Variants in CYP7B1 observed in about 807,000 individuals in gnomAD.
CYP7B1 encodes cytochrome P450 7B1.
In CYP7B1, 29 loss-of-function variants were observed where a neutral mutation model predicts 42.7. The observed-to-expected ratio is 0.68, with a 90% CI of 0.51 to 0.93. The LOEUF (loss-of-function observed/expected upper bound fraction) is 0.93. Ranked by LOEUF, CYP7B1 falls within the 40% of genes least tolerant of loss-of-function variation. CYP7B1 has a pLI of 0.00. For synonymous variants in CYP7B1, 235 were observed against 218.2 expected, an observed-to-expected ratio of 1.08 and a Z score of -0.68; for missense variants, 655 against 600.5, an observed-to-expected ratio of 1.09 and a Z score of -0.95.
intron 1 of CYP7B1, among the ~76,000 whole-genome samples, chr8:64,747,256 A>T (rs1252830436): frequency 2.0e-5 from 3 of 148,160 alleles, no homozygotes; most frequent in Non-Finnish European, 4.5e-5. Context: ...TATTAAACGT[A>T]GTATAAGTCA....
chr8:64,680,554 T>A (rs528833117), intron 1 of CYP7B1, among the ~76,000 whole-genome samples: 1 of 143,804 alleles, frequency 7.0e-6, no homozygotes, highest in Non-Finnish European at 1.5e-5. Context: ...TGTCTACAAC[T>A]TCTAAGAATT....
At chr8:64,698,327 G>C (rs1358281433) in intron 1 of CYP7B1, among the ~76,000 whole-genome samples, 1 of 151,818 alleles carries the variant, frequency 6.6e-6, no homozygotes, top group Non-Finnish European at 1.5e-5. Context: ...TTTAGCTCCA[G>C]CAGCAGGGGG....
intron 1 of CYP7B1, among the ~76,000 whole-genome samples, chr8:64,708,884 T>C (rs577402680): frequency 6.6e-6 from 1 of 152,332 alleles, no homozygotes; most frequent in East Asian, 1.9e-4. Context: ...GGGAACCTCC[T>C]TTCCACTGGT....
intron 1 of CYP7B1, among the ~76,000 whole-genome samples, chr8:64,686,060 C>A (rs1806632660): frequency 1.7e-5 from 2 of 120,262 alleles, no homozygotes; most frequent in African/African-American, 6.5e-5. Context: ...TGGGGGGGGT[C>A]AGCCCCCCCA....
intron 1 of CYP7B1, among the ~76,000 whole-genome samples, chr8:64,635,304 A>G (rs1038875820): frequency 6.6e-6 from 1 of 152,208 alleles, no homozygotes; most frequent in Non-Finnish European, 1.5e-5. Context: ...TTTTTTCCCC[A>G]GTCCTATAAT....
chr8:64,767,643 C>G lies in CYP7B1; in HGVS notation c.122+30823G>C, dbSNP rs117345186. Among the ~76,000 whole-genome samples the G allele has an allele frequency of 3.0e-4, 45 of 152,348 alleles. No individual in the cohort carries two copies. The East Asian group carries it at 7.9e-3, about 27-fold the overall frequency. On this transcript the variant is annotated intron_variant, in intron 1 of 5. Transcript: ENST00000310193. ...CATCAGATGGCCAAATCATTATGTACTGGACAAGGCCTTTTCAAAACTATC... is the reference window on the plus strand; with the variant it reads ...CATCAGATGGCCAAATCATTATGTAGTGGACAAGGCCTTTTCAAAACTATC...
At chr8:64,691,732 C>A (rs1281905626) in intron 1 of CYP7B1, among the ~76,000 whole-genome samples, 1 of 152,214 alleles carries the variant, frequency 6.6e-6, no homozygotes, top group East Asian at 1.9e-4. Context: ...AGCACTGAGG[C>A]TGGACAGGCC....
At position 64,604,732 on chromosome 8, in the gene CYP7B1, T is replaced by C. The variant is rs1473631146; in HGVS notation, c.1183A>G (p.Ile395Val). ...YCVRKGDLVA[I>V]FPPVLHGDPE... is the part of the protein sequence containing the mutation. ...TCACCATGTAGGACTGGAGGAAAGA[T>C]GGCTACCAAGTCTCCCTTTCGCACA... The change falls in exon 5 of 6, where the codon ATC becomes GTC. Residue 395 changes from isoleucine to valine, a missense_variant. Transcript: ENST00000310193. The C allele has an allele frequency of 1.9e-6, 3 of 1,614,066 alleles. No homozygotes were observed. The highest frequency in any genetic ancestry group is 1.7e-6 in the Non-Finnish European group (2 of 1,180,048).
intron 1 of CYP7B1, among the ~76,000 whole-genome samples, chr8:64,699,732 T>C (rs1806884046): frequency 6.6e-6 from 1 of 152,104 alleles, no homozygotes; most frequent in South Asian, 2.1e-4. Flanking sequence ...CTAAAATAGC[T>C]AGCATTATTT....
At chr8:64,635,585 T>G (rs1391880625) in intron 1 of CYP7B1, among the ~76,000 whole-genome samples, 2 of 152,252 alleles carry the variant, frequency 1.3e-5, no homozygotes, top group Non-Finnish European at 2.9e-5. Context: ...AAACTTGATT[T>G]AATTTTCCTG....
intron 1 of CYP7B1, among the ~76,000 whole-genome samples, chr8:64,644,898 T>C (rs1805924520): frequency 6.7e-6 from 1 of 149,710 alleles, no homozygotes; most frequent in African/African-American, 2.5e-5. Flanking sequence ...CTCCTAATGC[T>C]ATCCCTCCCC....
Position 64,594,731 on chromosome 8 carries a change from T to G in CYP7B1, c.*1911A>C, listed in dbSNP as rs940348584. Reference sequence around the variant, plus strand: ...GAGTTGGAGAGATTAGATATACTGTTCAAAGAAGAAACTGGAAGAGACATC... The same window carrying G: ...GAGTTGGAGAGATTAGATATACTGTGCAAAGAAGAAACTGGAAGAGACATC... On this transcript the variant is annotated 3_prime_UTR_variant, in exon 6 of 6. Transcript: ENST00000310193. Among the ~76,000 whole-genome samples the G allele has an allele frequency of 1.3e-5, 2 of 152,156 alleles. No homozygotes were observed. Among genetic ancestry groups the G allele is most frequent in the African/African-American group, 4.8e-5 (2 of 41,424 alleles).
At chr8:64,773,504 A>G (rs943986431) in intron 1 of CYP7B1, among the ~76,000 whole-genome samples, 1 of 152,234 alleles carries the variant, frequency 6.6e-6, no homozygotes, top group Admixed American at 6.5e-5. Flanking sequence ...GCAAAAAATA[A>G]CAGTACAACA....
At chr8:64,681,989 C>A (rs1450046765) in intron 1 of CYP7B1, among the ~76,000 whole-genome samples, 1 of 152,040 alleles carries the variant, frequency 6.6e-6, no homozygotes, top group Non-Finnish European at 1.5e-5. Context: ...CATAACTGAG[C>A]AAGTTGTTAA....
At chr8:64,632,876 C>T (rs1215374843) in intron 1 of CYP7B1, among the ~76,000 whole-genome samples, 4 of 151,268 alleles carry the variant, frequency 2.6e-5, no homozygotes, top group Non-Finnish European at 5.9e-5. Flanking sequence ...TAAAAATATA[C>T]AAATGGAGAA....
At chr8:64,744,165 T>G (rs1056262056) in intron 1 of CYP7B1, among the ~76,000 whole-genome samples, 1 of 152,204 alleles carries the variant, frequency 6.6e-6, no homozygotes, top group Admixed American at 6.5e-5. Context: ...AGGGAAAATA[T>G]AGTCAACTGA....
chr8:64,796,723 T>G (rs553524185), intron 1 of CYP7B1, among the ~76,000 whole-genome samples: 1 of 152,160 alleles, frequency 6.6e-6, no homozygotes, highest in Non-Finnish European at 1.5e-5. Flanking sequence ...TAAACTGACA[T>G]AGGAAGGGAT....
chr8:64,651,357 G>A lies in CYP7B1; in HGVS notation c.123-26818C>T, dbSNP rs139245077. Among the ~76,000 whole-genome samples, 122 of 152,296 alleles carry A rather than the reference G, an allele frequency of 8.0e-4. 1 individual carries two copies. In the East Asian group the frequency reaches 0.021, roughly 26 times the overall value. ...GACTCAAAGATAATGTTGGAGAAGT[G>A]GATGAACATATTGAGCCTCTGTAAT... On this transcript the variant is annotated intron_variant, in intron 1 of 5. Coordinates refer to ENST00000310193, the MANE Select transcript of CYP7B1 (RefSeq NM_004820.5).
intron 4 of CYP7B1, among the ~76,000 whole-genome samples, chr8:64,611,061 T>C (rs1053746175): frequency 1.1e-4 from 16 of 152,186 alleles, no homozygotes; most frequent in African/African-American, 3.4e-4. Flanking sequence ...TTCAGCCAAC[T>C]GTATGATCCT....
Sources: gnomAD v4.1 joint callset for allele counts (sites outside exome capture counted in the v4.1 genomes callset) on GRCh38, gnomAD v4.1.1 for gene constraint, MANE v1.5 for transcripts, NCBI Gene and HGNC (gene_info 2026-07-23, HGNC 2026-07-21) for gene names.